IKBKB-DT: variants seen among roughly 807,000 people sequenced by gnomAD.
IKBKB-DT encodes IKBKB divergent transcript.
rs533383916 is a variant in IKBKB-DT at position 42,238,228 on chromosome 8, C to T, written n.1530-4369G>A. Reference sequence around the variant, plus strand: ...CCCTACCCTTGAGAACCAACATTGGCTGAGTGGGGAGCGTGTGAAATCATC... The same window carrying T: ...CCCTACCCTTGAGAACCAACATTGGTTGAGTGGGGAGCGTGTGAAATCATC... On this transcript the variant is annotated intron_variant and non_coding_transcript_variant, in intron 3 of 3. Coordinates refer to ENST00000518213, the Ensembl canonical transcript of IKBKB-DT. Among the ~76,000 whole-genome samples the T allele has an allele frequency of 2.3e-4, 35 of 151,498 alleles. 1 individual carries two copies. The South Asian group carries it at 7.0e-3, about 30-fold the overall frequency.
chr8:42,268,524 G>A (rs766458334), intron 1 of IKBKB-DT, among the ~76,000 whole-genome samples: 3 of 152,002 alleles, frequency 2.0e-5, no homozygotes, highest in Non-Finnish European at 2.9e-5. Context: ...GCCTGCCTCG[G>A]CCTTCCAAAG....
chr8:42,265,517 C>A (rs375247942), intron 2 of IKBKB-DT: 1 of 152,252 alleles, frequency 6.6e-6, no homozygotes, highest in Admixed American at 6.6e-5. Context: ...CAGAGAGAGG[C>A]CTGAGCCCAG....
chr8:42,244,069 T>C (rs1345664066), intron 3 of IKBKB-DT, among the ~76,000 whole-genome samples: 2 of 152,216 alleles, frequency 1.3e-5, no homozygotes, highest in African/African-American at 4.8e-5. Flanking sequence ...GATAACTGTT[T>C]CTGGAAACTA....
At chr8:42,260,820 C>T (rs1807276325) in intron 3 of IKBKB-DT, among the ~76,000 whole-genome samples, 1 of 151,788 alleles carries the variant, frequency 6.6e-6, no homozygotes, top group Non-Finnish European at 1.5e-5. Context: ...TAGCAAATGA[C>T]TGAAGACCAA....
At chr8:42,264,077 G>C (rs1807334190) in intron 2 of IKBKB-DT, among the ~76,000 whole-genome samples, 1 of 151,076 alleles carries the variant, frequency 6.6e-6, no homozygotes, top group African/African-American at 2.4e-5. Flanking sequence ...CTCCCAAAGC[G>C]CTGGGATTAC....
intron 3 of IKBKB-DT, among the ~76,000 whole-genome samples, chr8:42,248,215 G>A (rs1807086364): frequency 6.6e-6 from 1 of 152,012 alleles, no homozygotes; most frequent in Non-Finnish European, 1.5e-5. Flanking sequence ...ACTATCTCAG[G>A]TATATCTCAC....
Position 42,254,704 on chromosome 8 carries a change from G to A in IKBKB-DT, n.1529+8625C>T, listed in dbSNP as rs559408980. On this transcript the variant is annotated intron_variant and non_coding_transcript_variant, in intron 3 of 3. Transcript: ENST00000518213. ...GCCTCTGCCTGGCCTCCCCATCTGGGATGTCAGGAGCACCACTGCCCAGCT... is the reference window on the plus strand; with the variant it reads ...GCCTCTGCCTGGCCTCCCCATCTGGAATGTCAGGAGCACCACTGCCCAGCT... 1.4e-3 allele frequency among the ~76,000 whole-genome samples: 205 copies of A among 147,016 alleles called. 2 individuals are homozygous for A. The highest frequency in any genetic ancestry group is 1.8e-3 in the Non-Finnish European group (117 of 66,794).
chr8:42,270,630 T>C (rs1291041119), intron 1 of IKBKB-DT: 3 of 152,218 alleles, frequency 2.0e-5, no homozygotes, highest in African/African-American at 7.2e-5. Flanking sequence ...TTGAATAAAA[T>C]ATAGCAACAC....
intron 2 of IKBKB-DT, chr8:42,263,529 A>G (rs1342531319): frequency 6.6e-6 from 1 of 152,242 alleles, no homozygotes; most frequent in Non-Finnish European, 1.5e-5. Context: ...AACAACATGT[A>G]TATTTCAGGT....
intron 3 of IKBKB-DT, among the ~76,000 whole-genome samples, chr8:42,247,499 A>C (rs1807077947): frequency 6.6e-6 from 1 of 152,148 alleles, no homozygotes; most frequent in African/African-American, 2.4e-5. Context: ...CTTTTGGGTT[A>C]ATACTGGAAT....
Position 42,257,122 on chromosome 8 carries a change from T to C in IKBKB-DT, n.1529+6207A>G, listed in dbSNP as rs80251118. On this transcript the variant is annotated intron_variant and non_coding_transcript_variant, in intron 3 of 3. Coordinates refer to ENST00000518213, the Ensembl canonical transcript of IKBKB-DT. ...CACATAAATACATACAAATATGACATAAAGAAGCTTTAGTATCACTTCTTT... is the reference window on the plus strand; with the variant it reads ...CACATAAATACATACAAATATGACACAAAGAAGCTTTAGTATCACTTCTTT... Among the ~76,000 whole-genome samples, 1,412 of 152,356 alleles carry C rather than the reference T, an allele frequency of 9.3e-3. 5 individuals are homozygous for C. Among genetic ancestry groups the C allele is most frequent in the Middle Eastern group, 0.014 (4 of 294 alleles).
At chr8:42,238,941 C>T (rs2129901891) in intron 3 of IKBKB-DT, among the ~76,000 whole-genome samples, 1 of 152,242 alleles carries the variant, frequency 6.6e-6, no homozygotes, top group East Asian at 1.9e-4. Context: ...CATCCTTTTG[C>T]TTGGCGAGCT....
chr8:42,266,923 A>G (rs1779441734), intron 1 of IKBKB-DT, among the ~76,000 whole-genome samples: 1 of 152,188 alleles, frequency 6.6e-6, no homozygotes, highest in Non-Finnish European at 1.5e-5. Context: ...ATGGGCAACC[A>G]GTAGCCCTCG....
chr8:42,245,210 G>A (rs1048319337), intron 3 of IKBKB-DT, among the ~76,000 whole-genome samples: 4 of 152,072 alleles, frequency 2.6e-5, no homozygotes, highest in Non-Finnish European at 5.9e-5. Context: ...AGCTGAGATC[G>A]CACCACTGCA....
At chr8:42,251,302 G>A (rs549131865) in intron 3 of IKBKB-DT, among the ~76,000 whole-genome samples, 64 of 152,338 alleles carry the variant, frequency 4.2e-4, no homozygotes, top group African/African-American at 1.5e-3. Flanking sequence ...CGTCTCTACT[G>A]CTGTATCCTG....
intron 3 of IKBKB-DT, among the ~76,000 whole-genome samples, chr8:42,239,987 G>A (rs537338232): frequency 9.4e-4 from 143 of 152,160 alleles, no homozygotes; most frequent in Non-Finnish European, 1.7e-3. Context: ...TAAACTGAAT[G>A]ATGATATGTC....
intron 3 of IKBKB-DT, among the ~76,000 whole-genome samples, chr8:42,235,019 G>T (rs915253674): frequency 6.6e-6 from 1 of 151,930 alleles, no homozygotes; most frequent in Admixed American, 6.6e-5. Flanking sequence ...AAAGAAAATG[G>T]TTCAAATTCT....
chr8:42,270,053 A>G (rs1414037569), intron 1 of IKBKB-DT, among the ~76,000 whole-genome samples: 1 of 152,242 alleles, frequency 6.6e-6, no homozygotes, highest in Non-Finnish European at 1.5e-5. Flanking sequence ...AGAGGTAGTC[A>G]ACAGCAGTAT....
chr8:42,267,438 A>G (rs957559414), intron 1 of IKBKB-DT, among the ~76,000 whole-genome samples: 5 of 152,166 alleles, frequency 3.3e-5, no homozygotes, highest in African/African-American at 1.2e-4. Flanking sequence ...TAATTACTGC[A>G]GAACAAATCC....
Sources: gnomAD v4.1 joint callset for allele counts (sites outside exome capture counted in the v4.1 genomes callset) on GRCh38, gnomAD v4.1.1 for gene constraint, MANE v1.5 for transcripts, NCBI Gene and HGNC (gene_info 2026-07-23, HGNC 2026-07-21) for gene names.